Variants in BAHD1 observed in about 807,000 individuals in gnomAD.
BAHD1 encodes bromo adjacent homology domain-containing 1 protein.
In BAHD1, 20 loss-of-function variants were observed where a neutral mutation model predicts 63.1. That is an observed-to-expected ratio of 0.32 (90% CI 0.22 to 0.46). The LOEUF (loss-of-function observed/expected upper bound fraction) is 0.46, where lower values mean the gene tolerates loss of function less well. Among genes scored for constraint, BAHD1 ranks in the 20% least tolerant of loss-of-function variants. BAHD1 has a pLI of 1.00. For synonymous variants in BAHD1, 408 were observed against 426.8 expected (o/e 0.96, Z 0.54); for missense variants, 939 against 1,071.8 (o/e 0.88, Z 1.73).
intron 1 of BAHD1, among the ~76,000 whole-genome samples, chr15:40,450,374 T>C (rs1000285592): frequency 1.3e-5 from 2 of 152,210 alleles, no homozygotes; most frequent in Non-Finnish European, 2.9e-5. Context: ...CTAGTTTCTG[T>C]TCAGGACTAG....
Position 40,459,266 on chromosome 15 carries a change from G to A in BAHD1, c.802G>A (p.Glu268Lys), listed in dbSNP as rs1345086250. The part of the protein sequence containing the change: ...PKAWQGASSG[E>K]AAGPPGWQGC... Reference sequence around the variant, plus strand: ...GGCTTGGCAGGGGGCCAGCTCTGGGGAGGCTGCAGGCCCACCTGGCTGGCA... The same window carrying A: ...GGCTTGGCAGGGGGCCAGCTCTGGGAAGGCTGCAGGCCCACCTGGCTGGCA... Residue 268 changes from glutamate (E) to lysine (K), a missense_variant, in exon 2 of 7, where the codon GAG (glutamate) becomes AAG (lysine). Around this residue, in one of 5 missense-constraint regions of BAHD1, gnomAD observed 797 missense variants for 813.3 expected, o/e 0.98. Transcript: ENST00000416165. The A allele has an allele frequency of 3.1e-6, 5 of 1,612,798 alleles. No homozygotes were observed. In the South Asian group the frequency reaches 5.5e-5, roughly 18 times the overall value.
intron 4 of BAHD1, 93 bp downstream of exon 4, chr15:40,464,113 G>T (rs1431609873): frequency 2.8e-6 from 4 of 1,412,616 alleles, no homozygotes; most frequent in Non-Finnish European, 2.9e-6. Flanking sequence ...TTGACCTGGC[G>T]TGAGTCTCCC....
chr15:40,440,990 C>T lies in BAHD1; in HGVS notation c.-293C>T, dbSNP rs1893380447. Among the ~76,000 whole-genome samples the T allele has an allele frequency of 6.6e-6, 1 of 150,442 alleles. No individual in the cohort carries two copies. The highest frequency in any genetic ancestry group is 6.6e-5 in the Admixed American group (1 of 15,134). ...GAACCGCGAGCGGCGTAGCGGATCC[C>T]GGAGCCCGGCCCCCGCCGCCCGCCC... On this transcript the variant is annotated 5_prime_UTR_variant, in exon 1 of 7. Coordinates refer to ENST00000416165, the MANE Select transcript of BAHD1 (RefSeq NM_014952.5).
rs763114810 is a variant in BAHD1, at chr15:40,459,730, G to A, written c.1266G>A (p.Val422=). The stretch of plus-strand genomic sequence containing the variant: ...GGCTCCTCTTAGCTCCGAGCTCAGT[G>A]CCCTCAGGCACCCCTTTCCAGCACC... ...EEGLLLAPSS[V]PSGTPFQHPP... Residue 422 remains valine, a synonymous_variant, in exon 2 of 7, where the codon GTG becomes GTA. Coordinates refer to ENST00000416165, the MANE Select transcript of BAHD1 (RefSeq NM_014952.5). 3.1e-6 allele frequency: 5 copies of A among 1,613,990 alleles called. No individual in the cohort carries two copies. Among genetic ancestry groups the A allele is most frequent in the East Asian group, 2.2e-5 (1 of 44,886 alleles).
Position 40,465,456 on chromosome 15 carries a change from T to C in BAHD1, c.2153+21T>C, listed in dbSNP as rs200418055. ...TGCAGGTAGGTGGTTCCCTGCACCC[T>C]CTGGCTGGCCTCTTCCCTCAGGCTC... is the stretch of plus-strand genomic sequence containing the variant. On this transcript the variant is annotated intron_variant, in intron 6 of 6. Transcript: ENST00000416165. 89 of 1,594,174 alleles carry C rather than the reference T, an allele frequency of 5.6e-5. No individual in the cohort carries two copies. In the African/African-American group the frequency reaches 8.3e-4, roughly 15 times the overall value.
chr15:40,449,475 C>T (rs1379467133), intron 1 of BAHD1, among the ~76,000 whole-genome samples: 1 of 151,994 alleles, frequency 6.6e-6, no homozygotes, highest in East Asian at 1.9e-4. Context: ...GAATGCTTTC[C>T]AGAGGTAGCT....
At position 40,458,377 on chromosome 15, in the gene BAHD1, G is replaced by A. The variant is rs1893910375; in HGVS notation, c.-14-74G>A. The A allele has an allele frequency of 2.0e-6, 3 of 1,503,926 alleles. No homozygotes were observed. Among genetic ancestry groups the A allele is most frequent in the Non-Finnish European group, 2.7e-6 (3 of 1,128,370 alleles). The allele number at this position is 1,503,926 out of a possible 1,614,324, so 93.2% of individuals were successfully genotyped here. A position where few individuals can be genotyped will look rare whatever the true frequency, so the allele number is the denominator to read the frequency against. On this transcript the variant is annotated intron_variant, in intron 1 of 6. Coordinates refer to ENST00000416165, the MANE Select transcript of BAHD1 (RefSeq NM_014952.5). This position sits in a 1 kb window ranked among gnomAD's most constrained non-coding sequence, Gnocchi z 4.7. Reference sequence around the variant, plus strand: ...GATCACTGCACCTGGGGCTGGGTAGGCTGCAGTGGGAGAGAAAGCAGGCAG... The same window carrying A: ...GATCACTGCACCTGGGGCTGGGTAGACTGCAGTGGGAGAGAAAGCAGGCAG...
chr15:40,455,970 T>C (rs577535435), intron 1 of BAHD1, among the ~76,000 whole-genome samples: 1 of 151,034 alleles, frequency 6.6e-6, no homozygotes, highest in Non-Finnish European at 1.5e-5. Context: ...GGGATGATGT[T>C]GTTGTTGTTG....
chr15:40,455,686 C>T (rs1404076200), intron 1 of BAHD1, among the ~76,000 whole-genome samples: 2 of 152,214 alleles, frequency 1.3e-5, no homozygotes, highest in African/African-American at 2.4e-5. Context: ...TCCTCAAAGA[C>T]GACAAGCCCA....
chr15:40,448,185 T>G (rs1209211861), intron 1 of BAHD1, among the ~76,000 whole-genome samples: 3 of 151,112 alleles, frequency 2.0e-5, no homozygotes, highest in Non-Finnish European at 4.4e-5. Flanking sequence ...GAGGTTGCAG[T>G]GAGCCGAGAT....
intron 2 of BAHD1, among the ~76,000 whole-genome samples, chr15:40,461,210 T>TAA (rs1894029126): frequency 6.6e-6 from 1 of 152,194 alleles, no homozygotes; most frequent in African/African-American, 2.4e-5. Flanking sequence ...TGAAATGAGT[T>TAA]AATGTGTTCG....
Position 40,458,836 on chromosome 15 carries a change from T to G in BAHD1, c.372T>G (p.Ala124=). Residue 124 remains alanine (A), a synonymous_variant, in exon 2 of 7, where the codon GCT becomes GCG. Transcript: ENST00000416165. This position sits in a 1 kb window ranked among gnomAD's most constrained non-coding sequence, Gnocchi z 4.7. ...PRKRRLASLN[A]EALNNLLLER... ...AGCGGCGCCTGGCCTCCCTCAATGC[T>G]GAAGCTCTCAATAACCTGCTGCTGG... 6.2e-7 allele frequency: 1 copy of G among 1,611,968 alleles called. No individual in the cohort carries two copies. Among genetic ancestry groups the G allele is most frequent in the East Asian group, 2.2e-5 (1 of 44,842 alleles).
At chr15:40,441,511 A>C (rs1893400801) in intron 1 of BAHD1, among the ~76,000 whole-genome samples, 1 of 150,042 alleles carries the variant, frequency 6.7e-6, no homozygotes, top group Non-Finnish European at 1.5e-5. Flanking sequence ...CGGTCCCGCC[A>C]TCGGGGAACG....
At chr15:40,464,253 T>TC in intron 4 of BAHD1, 4 of 648,670 alleles carry the variant, frequency 6.2e-6, no homozygotes, top group Non-Finnish European at 1.1e-5. Flanking sequence ...TGGGCACCTG[T>TC]CCCCCCACCT....
intron 4 of BAHD1, 154 bp downstream of exon 4, chr15:40,464,174 G>A (rs2141550697): frequency 1.1e-6 from 1 of 927,678 alleles, no homozygotes; most frequent in East Asian, 2.6e-5. Flanking sequence ...TCTCTCTGCT[G>A]CCGAGGGCTG....
chr15:40,462,174 C>A lies in BAHD1; in HGVS notation c.1695C>A (p.Arg565=), dbSNP rs1301956716. Residue 565 remains arginine, a synonymous_variant, in exon 3 of 7, where the codon CGC becomes CGA. Transcript: ENST00000416165. ...CRHTARSKAA[R]RPSHPKQPRV... ...ACACTGCAAGGAGCAAGGCTGCCCG[C>A]AGGCCTAGCCACCCCAAGCAGCCAC... 1 of 1,612,264 alleles carries A rather than the reference C, an allele frequency of 6.2e-7. No homozygotes were observed. The highest frequency in any genetic ancestry group is 1.6e-4 in the Middle Eastern group (1 of 6,062).
At chr15:40,443,952 A>G (rs899327236) in intron 1 of BAHD1, among the ~76,000 whole-genome samples, 15 of 151,786 alleles carry the variant, frequency 9.9e-5, no homozygotes, top group African/African-American at 1.7e-4. Flanking sequence ...CTTGAATCCC[A>G]CTTGTCCTTA....
intron 1 of BAHD1, among the ~76,000 whole-genome samples, chr15:40,448,763 T>C (rs1230720967): frequency 6.6e-6 from 1 of 151,800 alleles, no homozygotes; most frequent in Non-Finnish European, 1.5e-5. Flanking sequence ...TTTTAACTCC[T>C]GGCCTCCCAC....
At chr15:40,465,300 G>A in intron 5 of BAHD1, 35 bp from the exon 6 acceptor site, 1 of 1,596,980 alleles carries the variant, frequency 6.3e-7, no homozygotes, top group Non-Finnish European at 8.6e-7. Context: ...GTGCTTTCCA[G>A]CCCTGGTAAC....
Sources: gnomAD v4.1 joint callset for allele counts (sites outside exome capture counted in the v4.1 genomes callset) on GRCh38, gnomAD v4.1.1 for gene constraint, gnomAD v4.1.1 regional missense constraint, Gnocchi (gnomAD v3.1) non-coding constraint, MANE v1.5 for transcripts, NCBI Gene and HGNC (gene_info 2026-07-23, HGNC 2026-07-21) for gene names.